CNTNAP2: variants seen among roughly 807,000 people sequenced by gnomAD.
CNTNAP2 encodes the protein contactin associated protein 2.
Under a neutral mutation model 155.2 loss-of-function variants are expected in CNTNAP2, and 98 were observed. The observed-to-expected ratio is 0.63, with a 90% confidence interval of 0.54 to 0.75. The LOEUF is 0.75. Ranked by LOEUF, CNTNAP2 falls within the 30% of genes least tolerant of loss-of-function variation. The pLI is 0.00. For missense variants in CNTNAP2, 1,727 were observed against 1,688.1 expected, an observed-to-expected ratio of 1.02 and a Z score of -0.40; for synonymous variants, 651 against 631.2, an observed-to-expected ratio of 1.03 and a Z score of -0.47.
At chr7:146,151,373 T>C (rs1249185551) in intron 1 of CNTNAP2, among the ~76,000 whole-genome samples, 1 of 151,782 alleles carries the variant, frequency 6.6e-6, no homozygotes, top group African/African-American at 2.4e-5. Flanking sequence ...TTGTACCCTT[T>C]AATCAATATT....
intron 2 of CNTNAP2, among the ~76,000 whole-genome samples, chr7:146,790,832 G>A (rs1585091927): frequency 6.6e-6 from 1 of 151,710 alleles, no homozygotes; most frequent in East Asian, 1.9e-4. Context: ...GCCTCCCAAA[G>A]TGCTGGGATT....
At chr7:148,410,242 A>G (rs968313647) in intron 23 of CNTNAP2, among the ~76,000 whole-genome samples, 2 of 147,576 alleles carry the variant, frequency 1.4e-5, no homozygotes, top group African/African-American at 5.2e-5. Flanking sequence ...ATCCTTTCGC[A>G]TCCAAAATGG....
chr7:146,166,245 C>G (rs1051556873), intron 1 of CNTNAP2, among the ~76,000 whole-genome samples: 6 of 152,106 alleles, frequency 3.9e-5, no homozygotes, highest in Admixed American at 6.6e-5. Flanking sequence ...AGGCACCCAC[C>G]ACCATGCCTG....
At chr7:146,984,367 CAA>C (rs34062629) in intron 3 of CNTNAP2, among the ~76,000 whole-genome samples, 27,549 of 93,698 alleles carry the variant, frequency 0.29, 3,243 homozygotes, top group Non-Finnish European at 0.35. Context: ...AACCCCATCT[CAA>C]AAAAAAAAAA....
In CNTNAP2 at chr7:146,524,886, G is replaced by T. The variant is rs150678223; in HGVS notation, c.98-249385G>T. 1.7e-3 allele frequency among the ~76,000 whole-genome samples: 262 copies of T among 152,026 alleles called. 2 individuals carry two copies. Among genetic ancestry groups the T allele is most frequent in the African/African-American group, 6.1e-3 (254 of 41,462 alleles). Reference sequence around the variant, plus strand: ...TTTCAGTTAAGGAGAGTGTGCAAGGGCTCTCCTGGCTACCTGAGCAAGCAT... The same window carrying T: ...TTTCAGTTAAGGAGAGTGTGCAAGGTCTCTCCTGGCTACCTGAGCAAGCAT... On this transcript the variant is annotated intron_variant, in intron 1 of 23. Coordinates refer to ENST00000361727, the MANE Select transcript of CNTNAP2 (RefSeq NM_014141.6).
At chr7:148,212,531 T>C (rs1434719201) in intron 18 of CNTNAP2, among the ~76,000 whole-genome samples, 1 of 152,222 alleles carries the variant, frequency 6.6e-6, no homozygotes, top group Admixed American at 6.5e-5. Flanking sequence ...AGTAGTATTA[T>C]ATTGTCTATA....
chr7:146,474,063 A>G (rs1183995662), intron 1 of CNTNAP2, among the ~76,000 whole-genome samples: 1 of 152,124 alleles, frequency 6.6e-6, no homozygotes, highest in African/African-American at 2.4e-5. Flanking sequence ...AAAGAGGCCT[A>G]GGTTGGAATG....
chr7:147,866,387 T>G (rs1482192848), intron 13 of CNTNAP2, among the ~76,000 whole-genome samples: 1 of 152,196 alleles, frequency 6.6e-6, no homozygotes, highest in African/African-American at 2.4e-5. Flanking sequence ...GAGAAAAATG[T>G]GTATTCTGTT....
chr7:146,480,834 C>T (rs943713267), intron 1 of CNTNAP2, among the ~76,000 whole-genome samples: 1 of 151,570 alleles, frequency 6.6e-6, no homozygotes, highest in Non-Finnish European at 1.5e-5. Flanking sequence ...AGGCGCCCAT[C>T]ACCGCGCCCG....
At chr7:147,317,706 G>A (rs1795256196) in intron 9 of CNTNAP2, among the ~76,000 whole-genome samples, 1 of 151,978 alleles carries the variant, frequency 6.6e-6, no homozygotes, top group Non-Finnish European at 1.5e-5. Flanking sequence ...ATGAATTAGG[G>A]AGATTATTTG....
intron 1 of CNTNAP2, among the ~76,000 whole-genome samples, chr7:146,274,490 C>T (rs1032578348): frequency 6.6e-6 from 1 of 152,194 alleles, no homozygotes. Context: ...GACGGCATAG[C>T]TACCCCGGGG....
At chr7:147,443,893 T>C (rs1051121560) in intron 10 of CNTNAP2, among the ~76,000 whole-genome samples, 3 of 152,232 alleles carry the variant, frequency 2.0e-5, no homozygotes, top group Non-Finnish European at 4.4e-5. Context: ...TTCAGGAAGA[T>C]TATCTCCTCC....
At chr7:146,125,581 CAA>C (rs57234097) in intron 1 of CNTNAP2, among the ~76,000 whole-genome samples, 15,007 of 58,000 alleles carry the variant, frequency 0.26, 282 homozygotes, top group South Asian at 0.3. Context: ...ACTCCGTCTC[CAA>C]AAAAAAAAAA....
chr7:147,446,959 A>G (rs1262441328), intron 10 of CNTNAP2, among the ~76,000 whole-genome samples: 3 of 152,228 alleles, frequency 2.0e-5, no homozygotes, highest in South Asian at 4.1e-4. Context: ...CAGAGGCTGC[A>G]TTTCACAAAG....
intron 8 of CNTNAP2, among the ~76,000 whole-genome samples, chr7:147,258,087 T>G (rs1804371486): frequency 6.6e-6 from 1 of 152,166 alleles, no homozygotes; most frequent in African/African-American, 2.4e-5. Flanking sequence ...ACAGAGACGT[T>G]CAAAGTAATA....
chr7:146,263,336 G>A (rs1296406092), intron 1 of CNTNAP2, among the ~76,000 whole-genome samples: 1 of 151,704 alleles, frequency 6.6e-6, no homozygotes, highest in Non-Finnish European at 1.5e-5. Flanking sequence ...TGTTTAAAAT[G>A]ATTCTTCGCT....
At chr7:147,465,892 G>A (rs1022004397) in intron 10 of CNTNAP2, among the ~76,000 whole-genome samples, 1 of 151,970 alleles carries the variant, frequency 6.6e-6, no homozygotes, top group Non-Finnish European at 1.5e-5. Context: ...CTGAATACAA[G>A]TCAATATTCA....
At chr7:147,250,823 G>T (rs903680983) in intron 8 of CNTNAP2, among the ~76,000 whole-genome samples, 1 of 152,082 alleles carries the variant, frequency 6.6e-6, no homozygotes, top group Non-Finnish European at 1.5e-5. Context: ...GAGGGGCTCC[G>T]GCTGAGCAGT....
chr7:148,275,023 C>T (rs1024191881), intron 21 of CNTNAP2, among the ~76,000 whole-genome samples: 1 of 152,126 alleles, frequency 6.6e-6, no homozygotes, highest in African/African-American at 2.4e-5. Flanking sequence ...CAAATGTATA[C>T]TCATCATATG....
Sources: gnomAD v4.1 joint callset for allele counts (sites outside exome capture counted in the v4.1 genomes callset) on GRCh38, gnomAD v4.1.1 for gene constraint, MANE v1.5 for transcripts, NCBI Gene and HGNC (gene_info 2026-07-23, HGNC 2026-07-21) for gene names.